Variants in GFRA1 observed in about 807,000 individuals in gnomAD.
GFRA1 encodes GDNF family receptor alpha 1.
GFRA1 carries 16 observed loss-of-function variants against 51.6 expected under a neutral mutation model. That is an observed-to-expected ratio of 0.31 (90% CI 0.21 to 0.47). GFRA1 has a LOEUF of 0.47. Among genes scored for constraint, GFRA1 ranks in the 20% least tolerant of loss-of-function variants. GFRA1 has a pLI of 1.00. For missense variants in GFRA1, 530 were observed against 594.3 expected (o/e 0.89, Z 1.13); for synonymous variants, 270 against 241.3 (o/e 1.12, Z -1.10).
intron 4 of GFRA1, among the ~76,000 whole-genome samples, chr10:116,242,009 A>C (rs1295567239): frequency 6.6e-6 from 1 of 152,244 alleles, no homozygotes; most frequent in Non-Finnish European, 1.5e-5. Context: ...TTACACATGC[A>C]AAATGAAGTA....
At chr10:116,190,394 T>C (rs1026542010) in intron 5 of GFRA1, among the ~76,000 whole-genome samples, 37 of 152,194 alleles carry the variant, frequency 2.4e-4, no homozygotes, top group African/African-American at 8.4e-4. Flanking sequence ...CAAAGAGCAA[T>C]GTGCTCTCAA....
At chr10:116,162,918 C>T (rs1190682540) in intron 5 of GFRA1, among the ~76,000 whole-genome samples, 1 of 152,150 alleles carries the variant, frequency 6.6e-6, no homozygotes, top group Non-Finnish European at 1.5e-5. Context: ...TTCCAGTCGC[C>T]TGTCTGAACA....
intron 5 of GFRA1, among the ~76,000 whole-genome samples, chr10:116,131,775 T>C (rs1055773790): frequency 5.3e-5 from 8 of 151,924 alleles, no homozygotes; most frequent in African/African-American, 1.9e-4. Flanking sequence ...TAGGAAGGAA[T>C]AAGAGATAAC....
At chr10:116,155,973 C>T (rs142338049) in intron 5 of GFRA1, among the ~76,000 whole-genome samples, 114 of 152,338 alleles carry the variant, frequency 7.5e-4, no homozygotes, top group Middle Eastern at 3.4e-3. Context: ...CCACGATCAG[C>T]CCCGTGCAGG....
chr10:116,260,736 G>C (rs189397101), intron 4 of GFRA1, among the ~76,000 whole-genome samples: 6 of 152,244 alleles, frequency 3.9e-5, no homozygotes, highest in African/African-American at 1.2e-4. Context: ...GACCCTCTTA[G>C]AACATTAATT....
chr10:116,263,515 T>A (rs954532627), intron 4 of GFRA1, among the ~76,000 whole-genome samples: 1 of 152,156 alleles, frequency 6.6e-6, no homozygotes, highest in Non-Finnish European at 1.5e-5. Context: ...CCAGAGCATA[T>A]GTTCTTTCTC....
intron 4 of GFRA1, among the ~76,000 whole-genome samples, chr10:116,224,464 GATAA>G (rs1383588452): frequency 2.0e-5 from 3 of 152,288 alleles, no homozygotes; most frequent in African/African-American, 7.2e-5. Flanking sequence ...CTGACGAATG[GATAA>G]ATAAAATGTA....
intron 4 of GFRA1, among the ~76,000 whole-genome samples, chr10:116,240,193 C>T (rs1240305869): frequency 6.6e-6 from 1 of 152,060 alleles, no homozygotes; most frequent in South Asian, 2.1e-4. Context: ...CAGGACAAAG[C>T]CCCCACTGTT....
intron 4 of GFRA1, among the ~76,000 whole-genome samples, chr10:116,226,425 A>G (rs1352495907): frequency 1.3e-5 from 2 of 152,240 alleles, no homozygotes; most frequent in African/African-American, 4.8e-5. Context: ...ATTCACAGAA[A>G]GGGAAGTTCT....
Position 116,269,530 on chromosome 10 carries a change from T to C in GFRA1, c.391A>G (p.Ile131Val). The C allele has an allele frequency of 1.2e-6, 2 of 1,605,872 alleles. No individual in the cohort carries two copies. The highest frequency in any genetic ancestry group is 1.1e-5 in the South Asian group (1 of 90,930). Residue 131 changes from isoleucine to valine, a missense_variant, in exon 4 of 11, where the codon ATA (isoleucine) becomes GTA (valine). By Grantham distance (29) the Ile-to-Val change is conservative. Transcript: ENST00000355422. ...YEPVNSRLSDIFRVVPFISDV... is the reference protein window; with the variant it reads ...YEPVNSRLSDVFRVVPFISDV... Reference sequence around the variant, plus strand: ...GATATGAATGGGACCACCCGGAATATATCTGACAATCTGCTGTTAACTGGT... The same window carrying C: ...GATATGAATGGGACCACCCGGAATACATCTGACAATCTGCTGTTAACTGGT...
At chr10:116,225,305 G>A (rs912823600) in intron 4 of GFRA1, among the ~76,000 whole-genome samples, 5 of 151,998 alleles carry the variant, frequency 3.3e-5, no homozygotes, top group Admixed American at 1.3e-4. Flanking sequence ...GGGAGGCCAA[G>A]GCAGGCGGAT....
At chr10:116,196,848 T>TATATA (rs71010069) in intron 5 of GFRA1, among the ~76,000 whole-genome samples, 11 of 120,758 alleles carry the variant, frequency 9.1e-5, no homozygotes, top group South Asian at 2.3e-4. Flanking sequence ...TATATATATA[T>TATATA]TTTTTTTCCC....
chr10:116,234,328 G>A (rs1452132643), intron 4 of GFRA1, among the ~76,000 whole-genome samples: 2 of 152,208 alleles, frequency 1.3e-5, no homozygotes, highest in African/African-American at 4.8e-5. Flanking sequence ...GAAGGGACAA[G>A]TGTAAAGAAG....
At position 116,186,592 on chromosome 10, in the gene GFRA1, G is replaced by C. The variant is rs557167377; in HGVS notation, c.433+25039C>G. On this transcript the variant is annotated intron_variant, in intron 5 of 10. Transcript: ENST00000355422. ...TCTTAAAAAAAAAAAAAAAAAAAAG[G>C]CAAGGTTTAAATGCCATACTGTTTC... 3.7e-3 allele frequency among the ~76,000 whole-genome samples: 472 copies of C among 128,156 alleles called. 1 individual carries two copies. The highest frequency in any genetic ancestry group is 0.013 in the African/African-American group (459 of 34,656). 84.1% of individuals were successfully genotyped at this position (128,156 alleles called of 152,430 possible). A position where few individuals can be genotyped will look rare whatever the true frequency, so the allele number is the denominator to read the frequency against.
chr10:116,108,796 A>G (rs1957093313), intron 6 of GFRA1, among the ~76,000 whole-genome samples: 1 of 152,132 alleles, frequency 6.6e-6, no homozygotes, highest in South Asian at 2.1e-4. Flanking sequence ...CTATATCTTC[A>G]CGTTGCTGAT....
At chr10:116,202,883 C>T (rs1964448692) in intron 5 of GFRA1, among the ~76,000 whole-genome samples, 1 of 152,012 alleles carries the variant, frequency 6.6e-6, no homozygotes, top group Non-Finnish European at 1.5e-5. Context: ...GATGGCAGAC[C>T]CTGGCTACTT....
chr10:116,274,094 A>T (rs1056671198), upstream of GFRA1, among the ~76,000 whole-genome samples: 5 of 152,194 alleles, frequency 3.3e-5, no homozygotes, highest in Admixed American at 2.6e-4. Context: ...AACAACAAAA[A>T]AAGCCTAACA....
At position 116,259,944 on chromosome 10, in the gene GFRA1, G is replaced by A. The variant is rs184853256; in HGVS notation, c.418+9559C>T. On this transcript the variant is annotated intron_variant, in intron 4 of 10. Coordinates refer to ENST00000355422, the MANE Select transcript of GFRA1 (RefSeq NM_005264.8). ...AAAGGCAGCTTAGTGCAGGACACAC[G>A]GCAGGGGAAGGGGACACAAGGTAGG... is the stretch of plus-strand genomic sequence containing the variant. Among the ~76,000 whole-genome samples, 9 of 152,236 alleles carry A rather than the reference G, an allele frequency of 5.9e-5. 1 individual carries two copies. Among genetic ancestry groups the A allele is most frequent in the East Asian group, 1.9e-4 (1 of 5,170 alleles).
intron 8 of GFRA1, among the ~76,000 whole-genome samples, chr10:116,090,432 T>A (rs1482894516): frequency 5.8e-5 from 7 of 121,178 alleles, no homozygotes; most frequent in Non-Finnish European, 8.3e-5. Flanking sequence ...CCAGTTTCTT[T>A]AAAAAAAAAA....
Sources: allele counts gnomAD v4.1 joint callset (sites outside exome capture counted in the v4.1 genomes callset), GRCh38; gene constraint gnomAD v4.1.1; transcripts MANE v1.5; gene names NCBI Gene and HGNC (gene_info 2026-07-23, HGNC 2026-07-21).